MTR: variants seen among roughly 807,000 people sequenced by gnomAD.
The protein encoded by MTR is 5-methyltetrahydrofolate-homocysteine methyltransferase, also known as methionine synthase.
MTR carries 84 observed loss-of-function variants against 154.8 expected under a neutral mutation model. That is an observed-to-expected ratio of 0.54 (90% CI 0.45 to 0.65). The LOEUF is 0.65. MTR is among the 30% of genes least tolerant of loss of function. The pLI, the probability that MTR is intolerant of heterozygous loss-of-function variation, is 0.00. For missense variants in MTR, 1,275 were observed against 1,570.2 expected (o/e 0.81, Z 3.18); for synonymous variants, 554 against 553.9 (o/e 1.00, Z 0.00).
intron 3 of MTR, among the ~76,000 whole-genome samples, chr1:236,807,655 A>G (rs1661061775): frequency 6.6e-6 from 1 of 152,218 alleles, no homozygotes; most frequent in Non-Finnish European, 1.5e-5. Flanking sequence ...CCTTGATGAT[A>G]GAAATATATG....
At chr1:236,871,278 G>A (rs1665113523) in intron 22 of MTR, among the ~76,000 whole-genome samples, 2 of 152,126 alleles carry the variant, frequency 1.3e-5, no homozygotes, top group African/African-American at 2.4e-5. Context: ...ATTCTGATGC[G>A]AAGTCTACAC....
chr1:236,835,410 A>G, intron 13 of MTR, 137 bp from the exon 14 acceptor site: 2 of 970,440 alleles, frequency 2.1e-6, no homozygotes, highest in Non-Finnish European at 3.3e-6. Context: ...GGTGGACAGC[A>G]GGCCCGGAGT....
At chr1:236,825,012 G>A (rs1023919433) in intron 9 of MTR, among the ~76,000 whole-genome samples, 4 of 152,180 alleles carry the variant, frequency 2.6e-5, no homozygotes, top group East Asian at 1.9e-4. Context: ...ACCCCCAAGC[G>A]GCTATGTAAC....
At chr1:236,893,135 C>T (rs1666424843) in intron 29 of MTR, among the ~76,000 whole-genome samples, 1 of 152,098 alleles carries the variant, frequency 6.6e-6, no homozygotes, top group African/African-American at 2.4e-5. Context: ...TCTCCTGTGG[C>T]GCAGGGAAGC....
chr1:236,889,705 G>T (rs1181731711), intron 28 of MTR, among the ~76,000 whole-genome samples: 1 of 152,150 alleles, frequency 6.6e-6, no homozygotes, highest in African/African-American at 2.4e-5. Context: ...GCTCAGACTG[G>T]GAGGTCAGGG....
In MTR at chr1:236,901,317, C is replaced by CG. The variant is rs1158019091; in HGVS notation, c.*3673_*3674insG. 2 of 152,234 alleles carry CG rather than the reference C, an allele frequency of 1.3e-5. No individual in the cohort carries two copies. Among genetic ancestry groups the CG allele is most frequent in the African/African-American group, 4.9e-5 (2 of 41,210 alleles). The allele number at this position is 152,234 out of a possible 1,614,324, so 9.4% of individuals were successfully genotyped here. A position where few individuals can be genotyped will look rare whatever the true frequency, so the allele number is the denominator to read the frequency against. On this transcript the variant is annotated 3_prime_UTR_variant, in exon 33 of 33. Coordinates refer to ENST00000366577, the MANE Select transcript of MTR (RefSeq NM_000254.3). ...TGAAGACAATGGGAGGTGTGGAAGACTTGTTGACTCATTTAAAGAAGATTG... is the reference window on the plus strand; with the variant it reads ...TGAAGACAATGGGAGGTGTGGAAGACGTTGTTGACTCATTTAAAGAAGATTG...
chr1:236,805,346 G>A (rs1660920668), intron 2 of MTR, among the ~76,000 whole-genome samples: 1 of 151,668 alleles, frequency 6.6e-6, no homozygotes, highest in Non-Finnish European at 1.5e-5. Flanking sequence ...GAACAATTGT[G>A]GTCAGAGGTT....
At position 236,835,618 on chromosome 1, in the gene MTR, C is replaced by T. The variant is rs749076234; in HGVS notation, c.1260C>T (p.Gly420=). Residue 420 remains glycine (G), a synonymous_variant, in exon 14 of 33, where the codon GGC becomes GGT. Transcript: ENST00000366577. The part of the protein sequence containing the change: ...AQVLDVNMDD[G]MLDGPSAMTR... The stretch of plus-strand genomic sequence containing the variant: ...TGTTGGATGTCAACATGGATGATGG[C>T]ATGCTAGATGGTCCAAGTGCAATGA... 1 of 1,610,580 alleles carries T rather than the reference C, an allele frequency of 6.2e-7. No individual in the cohort carries two copies. Among genetic ancestry groups the T allele is most frequent in the African/African-American group, 1.4e-5 (1 of 73,626 alleles).
At chr1:236,851,311 T>G (rs7516758) in intron 16 of MTR, among the ~76,000 whole-genome samples, 6,266 of 152,260 alleles carry the variant, frequency 0.041, 401 homozygotes, top group East Asian at 0.2. Flanking sequence ...ATGCCATGTT[T>G]TTCACACTTT....
chr1:236,832,009 C>G lies in MTR; in HGVS notation c.1119C>G (p.Asn373Lys). The change falls in exon 13 of 33, where the codon AAC (asparagine) becomes AAG (lysine). Residue 373 changes from asparagine to lysine, a missense_variant. Asn to Lys is a moderately conservative substitution (Grantham distance 94). Coordinates refer to ENST00000366577, the MANE Select transcript of MTR (RefSeq NM_000254.3). Reference protein sequence around the residue: ...FRIGPYTNFVNIGERCNVAGS... With the variant: ...FRIGPYTNFVKIGERCNVAGS... Reference sequence around the variant, plus strand: ...TTGGACCGTACACCAACTTTGTTAACATTGGAGAGCGCTGTAATGTTGCAG... The same window carrying G: ...TTGGACCGTACACCAACTTTGTTAAGATTGGAGAGCGCTGTAATGTTGCAG... 6.2e-7 allele frequency: 1 copy of G among 1,614,150 alleles called. No individual in the cohort carries two copies. The highest frequency in any genetic ancestry group is 8.5e-7 in the Non-Finnish European group (1 of 1,180,004).
intron 22 of MTR, among the ~76,000 whole-genome samples, chr1:236,871,642 G>C (rs1212917441): frequency 1.3e-5 from 2 of 151,868 alleles, no homozygotes; most frequent in African/African-American, 4.8e-5. Context: ...CCAGGTACTA[G>C]ACTTTCTTCA....
rs1042034066 is a variant in MTR, at chr1:236,874,812, A to G, written c.2560A>G (p.Ile854Val). 2 of 1,613,782 alleles carry G rather than the reference A, an allele frequency of 1.2e-6. No homozygotes were observed. The highest frequency in any genetic ancestry group is 1.7e-6 in the Non-Finnish European group (2 of 1,179,854). ...AKEMERLAIR[I>V]PLLIGGATTS... ...GGAAATGGAGAGATTAGCTATAAGGATTCCATTGTTGATTGGAGGAGCAAC... is the reference window on the plus strand; with the variant it reads ...GGAAATGGAGAGATTAGCTATAAGGGTTCCATTGTTGATTGGAGGAGCAAC... The change falls in exon 24 of 33, where the codon ATT becomes GTT. Residue 854 changes from isoleucine to valine, a missense_variant. By Grantham distance (29) the Ile-to-Val change is conservative. Transcript: ENST00000366577.
rs886046233 is a variant in MTR, at chr1:236,899,376, T to C, written c.*1732T>C. On this transcript the variant is annotated 3_prime_UTR_variant, in exon 33 of 33. Coordinates refer to ENST00000366577, the MANE Select transcript of MTR (RefSeq NM_000254.3). Reference sequence around the variant, plus strand: ...GCCTAGAAACTCACCCGTGCATATGTTGACCTTTGCAAAATGACCTGGTGA... The same window carrying C: ...GCCTAGAAACTCACCCGTGCATATGCTGACCTTTGCAAAATGACCTGGTGA... 4 of 152,250 alleles carry C rather than the reference T, an allele frequency of 2.6e-5. No homozygotes were observed. The highest frequency in any genetic ancestry group is 4.4e-5 in the Non-Finnish European group (3 of 68,056). The allele number at this position is 152,250 out of a possible 1,614,324, so 9.4% of individuals were successfully genotyped here.
In MTR at chr1:236,897,341, CACAT is replaced by C. The variant is rs1406320387; in HGVS notation, c.3712-213_3712-210del. On this transcript the variant is annotated intron_variant, in intron 32 of 32. Coordinates refer to ENST00000366577, the MANE Select transcript of MTR (RefSeq NM_000254.3). ...ACACACACACACACACACACACACA[CACAT>C]ACAGCTTCTAAGCATCAGATGTTTA... 6.3e-4 allele frequency among the ~76,000 whole-genome samples: 88 copies of C among 140,086 alleles called. No individual in the cohort carries two copies. In the East Asian group the frequency reaches 0.012, roughly 20 times the overall value. 91.9% of individuals were successfully genotyped at this position (140,086 alleles called of 152,430 possible).
At chr1:236,864,084 A>G (rs1232839472) in intron 22 of MTR, among the ~76,000 whole-genome samples, 1 of 152,204 alleles carries the variant, frequency 6.6e-6, no homozygotes, top group Non-Finnish European at 1.5e-5. Context: ...ACCCCTTTCT[A>G]TCTTATTATA....
At chr1:236,803,880 A>G (rs1660828615) in intron 2 of MTR, among the ~76,000 whole-genome samples, 1 of 152,242 alleles carries the variant, frequency 6.6e-6, no homozygotes, top group Non-Finnish European at 1.5e-5. Context: ...GTGAAAAACT[A>G]TGAGAATCTG....
intron 14 of MTR, among the ~76,000 whole-genome samples, chr1:236,836,633 C>T (rs1306197793): frequency 6.6e-6 from 1 of 152,134 alleles, no homozygotes; most frequent in African/African-American, 2.4e-5. Context: ...TATTAGGCTT[C>T]AGCAGATTCA....
chr1:236,875,222 C>CTT (rs994709892), intron 24 of MTR, among the ~76,000 whole-genome samples: 3 of 152,216 alleles, frequency 2.0e-5, no homozygotes, highest in African/African-American at 7.2e-5. Context: ...TTTGCCCACT[C>CTT]TGTCTTGAAG....
chr1:236,843,822 G>A (rs1663405120), intron 15 of MTR, among the ~76,000 whole-genome samples: 1 of 152,214 alleles, frequency 6.6e-6, no homozygotes, highest in South Asian at 2.1e-4. Context: ...AGGTAAGAAA[G>A]ACTGAGAAGC....
Sources: allele counts gnomAD v4.1 joint callset (sites outside exome capture counted in the v4.1 genomes callset), GRCh38; gene constraint gnomAD v4.1.1; transcripts MANE v1.5; gene names NCBI Gene and HGNC (gene_info 2026-07-23, HGNC 2026-07-21).